TM2D3: variants seen among roughly 807,000 people sequenced by gnomAD.
TM2D3 encodes the protein TM2 domain containing 3, also known as TM2 domain-containing protein 3.
In TM2D3, 33 loss-of-function variants were observed where a neutral mutation model predicts 27.3. The observed-to-expected ratio is 1.21, with a 90% CI of 0.92 to 1.61. The LOEUF (loss-of-function observed/expected upper bound fraction) is 1.61. Ranked by LOEUF, TM2D3 falls within the 40% of genes most tolerant of loss-of-function variation. The pLI, the probability that TM2D3 is intolerant of heterozygous loss-of-function variation, is 0.00. For missense variants in TM2D3, 364 were observed against 320.8 expected (o/e 1.13, Z -1.03); for synonymous variants, 138 against 122.2 (o/e 1.13, Z -0.85).
chr15:101,638,383 C>A (rs963315900), downstream of TM2D3, among the ~76,000 whole-genome samples: 1 of 151,970 alleles, frequency 6.6e-6, no homozygotes, highest in Non-Finnish European at 1.5e-5. Context: ...CAGCCTCTGC[C>A]TCCCAGGTTC....
chr15:101,640,311 G>C (rs1896637947), downstream of TM2D3, among the ~76,000 whole-genome samples: 1 of 152,152 alleles, frequency 6.6e-6, no homozygotes, highest in Non-Finnish European at 1.5e-5. Context: ...AGAGGCCCCA[G>C]AGAGATCTTC....
At chr15:101,640,605 G>A (rs148616833), downstream of TM2D3, among the ~76,000 whole-genome samples, 579 of 152,302 alleles carry the variant, frequency 3.8e-3, 3 homozygotes, top group African/African-American at 0.013. Context: ...ACTCCCTAGT[G>A]CCCTTTGAAA....
downstream of TM2D3, among the ~76,000 whole-genome samples, chr15:101,639,329 G>C (rs987232764): frequency 6.6e-6 from 1 of 151,710 alleles, no homozygotes; most frequent in African/African-American, 2.4e-5. Context: ...GCAGAACAGA[G>C]GGGAAGCTTT....
At position 101,642,108 on chromosome 15, in the gene TM2D3, C is replaced by T. The variant is rs779434759; in HGVS notation, c.*371G>A. 2.5e-5 allele frequency: 25 copies of T among 992,290 alleles called. No individual in the cohort carries two copies. The highest frequency in any genetic ancestry group is 6.0e-6 in the Non-Finnish European group (5 of 834,490). The allele number at this position is 992,290 out of a possible 1,614,324, so 61.5% of individuals were successfully genotyped here. A position where few individuals can be genotyped will look rare whatever the true frequency, so the allele number is the denominator to read the frequency against. On this transcript the variant is annotated 3_prime_UTR_variant, in exon 6 of 6. Transcript: ENST00000333202. Reference sequence around the variant, plus strand: ...GCTAACAATAAAAACACTCCCACTTCCTGCAGTCACAGCTGAAAGACTTTT... The same window carrying T: ...GCTAACAATAAAAACACTCCCACTTTCTGCAGTCACAGCTGAAAGACTTTT...
chr15:101,652,093 C>T, intron 1 of TM2D3, 178 bp downstream of exon 1: 1 of 586,366 alleles, frequency 1.7e-6, no homozygotes. Flanking sequence ...AGCGGAGGGG[C>T]GGCCTCGGGC....
rs751386921 is a variant in TM2D3, at chr15:101,651,752, T to C, written c.113A>G (p.Gln38Arg). 5 of 1,614,222 alleles carry C rather than the reference T, an allele frequency of 3.1e-6. No homozygotes were observed. The Middle Eastern group carries it at 4.9e-4, about 160-fold the overall frequency. The stretch of plus-strand genomic sequence containing the variant: ...TGTTGGGCCCGGATCCTTTATTGAC[T>C]GAGCCAGCGCCTGCGATTGCTCTAA... ...SGGEQSQALA[Q>R]SIKDPGPTRT... The change falls in exon 2 of 6, where the codon CAG becomes CGG. Residue 38 changes from glutamine to arginine, a missense_variant. Physicochemically the swap from Gln to Arg is conservative, Grantham distance 43 (BLOSUM62 1). Coordinates refer to ENST00000333202, the MANE Select transcript of TM2D3 (RefSeq NM_078474.3).
At chr15:101,638,625 C>A (rs928470841), downstream of TM2D3, among the ~76,000 whole-genome samples, 7 of 152,036 alleles carry the variant, frequency 4.6e-5, no homozygotes, top group African/African-American at 1.7e-4. Flanking sequence ...AGTTTTGTTG[C>A]GCCAGCAGGG....
rs1480141487 is a variant in TM2D3, at chr15:101,642,109, C to T, written c.*370G>A. 1 of 992,596 alleles carries T rather than the reference C, an allele frequency of 1.0e-6. No homozygotes were observed. The highest frequency in any genetic ancestry group is 1.2e-6 in the Non-Finnish European group (1 of 834,592). The allele number at this position is 992,596 out of a possible 1,614,324, so 61.5% of individuals were successfully genotyped here. A position where few individuals can be genotyped will look rare whatever the true frequency, so the allele number is the denominator to read the frequency against. On this transcript the variant is annotated 3_prime_UTR_variant, in exon 6 of 6. Coordinates refer to ENST00000333202, the MANE Select transcript of TM2D3 (RefSeq NM_078474.3). ...CTAACAATAAAAACACTCCCACTTC[C>T]TGCAGTCACAGCTGAAAGACTTTTC...
intron 4 of TM2D3, chr15:101,645,590 G>A (rs1262568861): frequency 6.2e-6 from 1 of 161,018 alleles, no homozygotes; most frequent in Admixed American, 6.4e-5. Context: ...GACAATTAAA[G>A]TAGAATCTAC....
At chr15:101,641,361 G>T (rs1342605714), downstream of TM2D3, among the ~76,000 whole-genome samples, 1 of 152,138 alleles carries the variant, frequency 6.6e-6, no homozygotes, top group Non-Finnish European at 1.5e-5. Context: ...ACCTAGCGAC[G>T]AGAGATGGAA....
At chr15:101,645,454 C>T (rs1009075572) in intron 4 of TM2D3, 1 of 340,950 alleles carries the variant, frequency 2.9e-6, no homozygotes, top group African/African-American at 2.2e-5. Context: ...TAAAAATCAC[C>T]CAATAGGAAA....
At chr15:101,643,470 C>G (rs1167414602) in intron 5 of TM2D3, among the ~76,000 whole-genome samples, 1 of 151,696 alleles carries the variant, frequency 6.6e-6, no homozygotes, top group Admixed American at 6.6e-5. Flanking sequence ...GGCGTGGTGG[C>G]GGGCGCCTGT....
intron 3 of TM2D3, chr15:101,648,351 GA>G (rs893703034): frequency 6.6e-6 from 1 of 152,166 alleles, no homozygotes; most frequent in South Asian, 2.1e-4. Flanking sequence ...ACTTTTTATG[GA>G]AAACATTCAA....
intron 1 of TM2D3, 98 bp from the exon 2 acceptor site, chr15:101,651,871 A>C: frequency 8.0e-7 from 1 of 1,253,262 alleles, no homozygotes; most frequent in Non-Finnish European, 1.2e-6. Context: ...CCAGGCCAAT[A>C]AGCTGCTCAT....
rs749825529 is a variant in TM2D3, at chr15:101,646,745, C to T, written c.482G>A (p.Arg161Gln). The change falls in exon 4 of 6, where the codon CGG becomes CAG. Residue 161 changes from arginine (R) to glutamine (Q), a missense_variant. Arg to Gln is a conservative substitution (Grantham distance 43, BLOSUM62 1). Coordinates refer to ENST00000333202, the MANE Select transcript of TM2D3 (RefSeq NM_078474.3). ...RQRYPANCTV[R>Q]DHVHCLGNRT... ...CCTACCCAAGCAGTGGACGTGGTCCCGCACCGTGCAGTTGGCAGGGTAGCG... is the reference window on the plus strand; with the variant it reads ...CCTACCCAAGCAGTGGACGTGGTCCTGCACCGTGCAGTTGGCAGGGTAGCG... The T allele has an allele frequency of 9.3e-6, 15 of 1,613,998 alleles. No homozygotes were observed. The highest frequency in any genetic ancestry group is 8.9e-5 in the East Asian group (4 of 44,898).
downstream of TM2D3, among the ~76,000 whole-genome samples, chr15:101,639,981 C>G (rs575066156): frequency 2.0e-5 from 3 of 152,222 alleles, no homozygotes; most frequent in East Asian, 5.8e-4. Context: ...GCTGACAAAG[C>G]AAGGTAGAGA....
intron 4 of TM2D3, 148 bp downstream of exon 4, chr15:101,646,577 A>G (rs938304875): frequency 9.2e-6 from 7 of 763,456 alleles, no homozygotes; most frequent in Non-Finnish European, 1.5e-5. Flanking sequence ...TAGTACGTTG[A>G]GTTTATTGAT....
chr15:101,652,329 G>C lies in TM2D3; in HGVS notation c.33C>G (p.Leu11=), dbSNP rs143631257. 1 of 1,602,122 alleles carries C rather than the reference G, an allele frequency of 6.2e-7. No homozygotes were observed. The highest frequency in any genetic ancestry group is 8.5e-7 in the Non-Finnish European group (1 of 1,175,140). ...AGAGCAGCACGCGACACAAGGCGCG[G>C]AGGCCCCTCAGCGGGAGCACCCCTC... MAGGVLPLRG[L]RALCRVLLFL... Residue 11 remains leucine, a synonymous_variant, in exon 1 of 6, where the codon CTC becomes CTG. Transcript: ENST00000333202.
intron 1 of TM2D3, 130 bp downstream of exon 1, chr15:101,652,141 A>C (rs1050167828): frequency 7.9e-6 from 7 of 888,604 alleles, no homozygotes; most frequent in Non-Finnish European, 1.2e-5. Context: ...TGCAGCGACA[A>C]GCGGCCCGGA....
Sources: gnomAD v4.1 joint callset for allele counts (sites outside exome capture counted in the v4.1 genomes callset) on GRCh38, gnomAD v4.1.1 for gene constraint, MANE v1.5 for transcripts, NCBI Gene and HGNC (gene_info 2026-07-23, HGNC 2026-07-21) for gene names.